Variants in RBFOX1 observed in about 807,000 individuals in gnomAD.
RBFOX1 encodes the protein RNA binding protein fox-1 homolog 1.
RBFOX1 carries 8 observed loss-of-function variants against 57.7 expected under a neutral mutation model. The ratio of observed to expected loss-of-function variants is 0.14; its 90% CI spans 0.08 to 0.25. The LOEUF is 0.25. Ranked by LOEUF, RBFOX1 falls within the 10% of genes least tolerant of loss-of-function variation. The pLI, the probability that RBFOX1 is intolerant of heterozygous loss-of-function variation, is 1.00. For synonymous variants in RBFOX1, 326 were observed against 222.4 expected (o/e 1.47, Z -4.15); for missense variants, 611 against 548.5 (o/e 1.11, Z -1.14).
At chr16:5,713,795 G>C (rs867584514) in intron 3 of RBFOX1, among the ~76,000 whole-genome samples, 13 of 152,248 alleles carry the variant, frequency 8.5e-5, no homozygotes, top group African/African-American at 3.1e-4. Flanking sequence ...TGCCCAAGTC[G>C]ATAAGAGCTA....
At chr16:7,489,707 C>A (rs1482206535) in intron 4 of RBFOX1, among the ~76,000 whole-genome samples, 5 of 150,862 alleles carry the variant, frequency 3.3e-5, no homozygotes, top group South Asian at 4.2e-4. Flanking sequence ...TTGTAGAGAC[C>A]GTTTTTTTTT....
In RBFOX1 at chr16:7,711,562, CAT is replaced by C. The variant is rs1197378575; in HGVS notation, c.*818_*819del. 2 of 152,298 alleles carry C rather than the reference CAT, an allele frequency of 1.3e-5. No individual in the cohort carries two copies. Among genetic ancestry groups the C allele is most frequent in the African/African-American group, 2.4e-5 (1 of 41,332 alleles). The allele number at this position is 152,298 out of a possible 1,614,324, so 9.4% of individuals were successfully genotyped here. A position where few individuals can be genotyped will look rare whatever the true frequency, so the allele number is the denominator to read the frequency against. ...TTATATTATGGGAGGGAAAAAATAA[CAT>C]TAATAAAAAGGTGATAAAAAAGCAC... On this transcript the variant is annotated 3_prime_UTR_variant, in exon 16 of 16. Coordinates refer to ENST00000550418, the MANE Select transcript of RBFOX1 (RefSeq NM_018723.4).
At chr16:7,099,803 A>C (rs982604030) in intron 4 of RBFOX1, among the ~76,000 whole-genome samples, 1 of 152,110 alleles carries the variant, frequency 6.6e-6, no homozygotes, top group Admixed American at 6.6e-5. Context: ...TTACCGGGAG[A>C]AAAGAATGTG....
chr16:6,841,571 T>C (rs897067544), intron 3 of RBFOX1, among the ~76,000 whole-genome samples: 1 of 152,168 alleles, frequency 6.6e-6, no homozygotes. Context: ...CCCTTTCTCC[T>C]ACGAGCTGTC....
chr16:7,468,792 A>G (rs554842220), intron 4 of RBFOX1, among the ~76,000 whole-genome samples: 14 of 152,252 alleles, frequency 9.2e-5, no homozygotes, highest in Middle Eastern at 3.4e-3. Flanking sequence ...TCCAAGCATC[A>G]AGAGCAAACT....
At chr16:5,842,125 G>C (rs7206716) in intron 3 of RBFOX1, among the ~76,000 whole-genome samples, 61,168 of 152,048 alleles carry the variant, frequency 0.4, 13,901 homozygotes, top group African/African-American at 0.61. Context: ...GGAAGAGTGA[G>C]AAGGAAATGG....
intron 3 of RBFOX1, among the ~76,000 whole-genome samples, chr16:6,833,777 C>G (rs78935587): frequency 0.013 from 1,944 of 152,174 alleles, 53 homozygotes; most frequent in African/African-American, 0.044. Context: ...CATTGAAGGT[C>G]TCTGTGAAGG....
chr16:5,658,765 T>A (rs2049540835), intron 3 of RBFOX1, among the ~76,000 whole-genome samples: 1 of 141,666 alleles, frequency 7.1e-6, no homozygotes, highest in East Asian at 2.2e-4. Flanking sequence ...TATATGTGTA[T>A]GTATATATGT....
chr16:6,572,965 T>C (rs1186113429), intron 2 of RBFOX1, among the ~76,000 whole-genome samples: 1 of 152,140 alleles, frequency 6.6e-6, no homozygotes, highest in Non-Finnish European at 1.5e-5. Flanking sequence ...ACAAAATAAA[T>C]ACCTTCCCTC....
chr16:6,741,229 T>C (rs1328180126), intron 3 of RBFOX1, among the ~76,000 whole-genome samples: 6 of 152,088 alleles, frequency 3.9e-5, no homozygotes. Flanking sequence ...AAAAATTAGC[T>C]CAAAATGGAT....
intron 2 of RBFOX1, among the ~76,000 whole-genome samples, chr16:5,551,483 C>T (rs931130951): frequency 9.9e-5 from 15 of 152,138 alleles, no homozygotes; most frequent in African/African-American, 3.4e-4. Flanking sequence ...GGAGTTCCGG[C>T]TTCCTTAGGT....
chr16:6,681,636 CA>C (rs2058665416), intron 3 of RBFOX1, among the ~76,000 whole-genome samples: 1 of 147,626 alleles, frequency 6.8e-6, no homozygotes, highest in East Asian at 2.0e-4. Flanking sequence ...AACATATAAT[CA>C]CAATTGCCCC....
rs151249642 is a variant in RBFOX1, at chr16:7,257,918, G to C, written c.27+205820G>C. Reference sequence around the variant, plus strand: ...TTGGTTTCAAGGAGATTCCATCTTCGTATCTCCTGCTTTCAAGGGAGGAAA... The same window carrying C: ...TTGGTTTCAAGGAGATTCCATCTTCCTATCTCCTGCTTTCAAGGGAGGAAA... On this transcript the variant is annotated intron_variant, in intron 4 of 15. Transcript: ENST00000550418. Among the ~76,000 whole-genome samples the C allele has an allele frequency of 2.0e-5, 3 of 152,100 alleles. No homozygotes were observed. In the South Asian group the frequency reaches 6.2e-4, roughly 32 times the overall value.
At chr16:6,640,524 C>T (rs150350373) in intron 2 of RBFOX1, among the ~76,000 whole-genome samples, 151 of 152,082 alleles carry the variant, frequency 9.9e-4, no homozygotes, top group African/African-American at 3.2e-3. Flanking sequence ...AGGAGAATAG[C>T]GTGAACCCGG....
At chr16:5,643,942 C>T (rs189142834) in intron 3 of RBFOX1, among the ~76,000 whole-genome samples, 2 of 152,284 alleles carry the variant, frequency 1.3e-5, no homozygotes, top group East Asian at 1.9e-4. Context: ...CCAAATGGGC[C>T]TATTTAATTT....
At chr16:6,120,462 G>A (rs912035663) in intron 1 of RBFOX1, among the ~76,000 whole-genome samples, 19 of 152,118 alleles carry the variant, frequency 1.2e-4, no homozygotes, top group African/African-American at 4.6e-4. Flanking sequence ...AGGGGGCACT[G>A]GAGTGAATGG....
chr16:6,841,204 T>C (rs1028200017), intron 3 of RBFOX1, among the ~76,000 whole-genome samples: 13 of 152,192 alleles, frequency 8.5e-5, no homozygotes, highest in African/African-American at 3.1e-4. Context: ...TATGAAAAGA[T>C]TTAGTTATAA....
chr16:7,689,707 C>G (rs1165414872), intron 14 of RBFOX1, among the ~76,000 whole-genome samples: 1 of 151,748 alleles, frequency 6.6e-6, no homozygotes, highest in African/African-American at 2.4e-5. Context: ...AAGTAGGGGC[C>G]AACTCAAAGA....
chr16:6,867,556 T>C (rs976787148), intron 3 of RBFOX1, among the ~76,000 whole-genome samples: 4 of 151,976 alleles, frequency 2.6e-5, no homozygotes, highest in African/African-American at 4.8e-5. Flanking sequence ...TCATCTCTAC[T>C]AAAAATACAA....
Sources: gnomAD v4.1 joint callset for allele counts (sites outside exome capture counted in the v4.1 genomes callset) on GRCh38, gnomAD v4.1.1 for gene constraint, MANE v1.5 for transcripts, NCBI Gene and HGNC (gene_info 2026-07-23, HGNC 2026-07-21) for gene names.